The following ZNHIT1 variants were observed in gnomAD, a reference collection of about 807,000 sequenced individuals.
ZNHIT1 encodes the protein zinc finger HIT-type containing 1.
ZNHIT1 carries 20 observed loss-of-function variants against 21.4 expected under a neutral mutation model. That is an observed-to-expected ratio of 0.93 (90% confidence interval 0.66 to 1.36). ZNHIT1 has a LOEUF of 1.36. Ranked by LOEUF, ZNHIT1 falls within the 40% of genes most tolerant of loss-of-function variation. The pLI is 0.00. For synonymous variants in ZNHIT1, 79 were observed against 84.0 expected (o/e 0.94, Z 0.32); for missense variants, 170 against 213.5 (o/e 0.80, Z 1.27).
rs750193269 is a variant in ZNHIT1 at position 101,223,808 on chromosome 7, A to G, written c.409A>G (p.Thr137Ala). The change falls in exon 4 of 5, where the codon ACT (threonine) becomes GCT (alanine). Residue 137 changes from threonine (T) to alanine (A), a missense_variant. Coordinates refer to ENST00000305105, the MANE Select transcript of ZNHIT1 (RefSeq NM_006349.3). ...TGTCAGCTGCGGTGCCCGGTACTGC[A>G]CTGTGCGCTGTCTGGGGACCCACCA... ...TCVSCGARYC[T>A]VRCLGTHQET... is the part of the protein sequence containing the mutation. 2 of 1,614,004 alleles carry G rather than the reference A, an allele frequency of 1.2e-6. No homozygotes were observed. Among genetic ancestry groups the G allele is most frequent in the South Asian group, 2.2e-5 (2 of 91,070 alleles).
At chr7:101,222,301 G>A (rs971137950) in intron 1 of ZNHIT1, 7 of 371,052 alleles carry the variant, frequency 1.9e-5, no homozygotes, top group Non-Finnish European at 2.9e-5. Context: ...GCCCCAGGGC[G>A]CTGTGACCTC....
Position 101,224,074 on chromosome 7 carries a change from T to C in ZNHIT1, c.*116T>C. 6.7e-7 allele frequency: 1 copy of C among 1,496,568 alleles called. No homozygotes were observed. The highest frequency in any genetic ancestry group is 1.2e-5 in the South Asian group (1 of 86,770). 92.7% of individuals were successfully genotyped at this position (1,496,568 alleles called of 1,614,324 possible). A position where few individuals can be genotyped will look rare whatever the true frequency, so the allele number is the denominator to read the frequency against. On this transcript the variant is annotated 3_prime_UTR_variant, in exon 5 of 5. Transcript: ENST00000305105. ...CCTGGACCAAGGGAGGAGCCGCTCATTCACCCAACAAAACTGTGTCTTATC... is the reference window on the plus strand; with the variant it reads ...CCTGGACCAAGGGAGGAGCCGCTCACTCACCCAACAAAACTGTGTCTTATC...
At chr7:101,222,037 T>C (rs1313224276) in intron 1 of ZNHIT1, 1 of 152,488 alleles carries the variant, frequency 6.6e-6, no homozygotes, top group African/African-American at 2.4e-5. Flanking sequence ...AGCTCTTTGA[T>C]GGAAAGTGCC....
chr7:101,222,557 G>C, intron 1 of ZNHIT1, 47 bp from the exon 2 acceptor site: 1 of 1,577,498 alleles, frequency 6.3e-7, no homozygotes, highest in Non-Finnish European at 8.6e-7. Flanking sequence ...CGGCCACACT[G>C]CTCTTTCTTG....
intron 2 of ZNHIT1, 109 bp from the exon 3 acceptor site, chr7:101,223,368 C>A: frequency 8.4e-7 from 1 of 1,197,042 alleles, no homozygotes; most frequent in Middle Eastern, 2.1e-4. Context: ...CAGAGTGAGA[C>A]TGTCTCAAAA....
At position 101,223,582 on chromosome 7, in the gene ZNHIT1, A is replaced by T. The variant is rs1426111683; in HGVS notation, c.273+26A>T. ...GTGAGAGGAGGGTCGGCCTGGGAGG[A>T]CCCCACAGGGAAGGGGTGAGCCTGG... On this transcript the variant is annotated intron_variant, in intron 3 of 4. Coordinates refer to ENST00000305105, the MANE Select transcript of ZNHIT1 (RefSeq NM_006349.3). 5.0e-6 allele frequency: 8 copies of T among 1,613,800 alleles called. No individual in the cohort carries two copies. The Admixed American group carries it at 1.2e-4, about 24-fold the overall frequency.
At chr7:101,221,880 G>A (rs2116821975) in intron 1 of ZNHIT1, 2 of 152,376 alleles carry the variant, frequency 1.3e-5, no homozygotes, top group East Asian at 3.9e-4. Context: ...GGGGCCCAGA[G>A]CGTGGGTGGG....
chr7:101,223,362 G>C (rs1014949350), intron 2 of ZNHIT1, 115 bp from the exon 3 acceptor site: 7 of 1,140,998 alleles, frequency 6.1e-6, no homozygotes, highest in Non-Finnish European at 9.0e-6. Flanking sequence ...GGGTGACAGA[G>C]TGAGACTGTC....
chr7:101,220,570 T>TGTAAG (rs1311060926), intron 1 of ZNHIT1: 1 of 152,180 alleles, frequency 6.6e-6, no homozygotes, highest in Non-Finnish European at 1.5e-5. Context: ...AAGGGTTAAA[T>TGTAAG]GGTTCAAGTG....
chr7:101,224,142 G>A lies in ZNHIT1; in HGVS notation c.*184G>A. Reference sequence around the variant, plus strand: ...CTCACTCCTGGGAACTGTCTGGCAGGTAGGCTGGGCCCCCCAGTGCTGTTA... The same window carrying A: ...CTCACTCCTGGGAACTGTCTGGCAGATAGGCTGGGCCCCCCAGTGCTGTTA... On this transcript the variant is annotated 3_prime_UTR_variant, in exon 5 of 5. Transcript: ENST00000305105. The A allele has an allele frequency of 3.4e-6, 3 of 885,626 alleles. No individual in the cohort carries two copies. The highest frequency in any genetic ancestry group is 1.7e-5 in the South Asian group (1 of 59,872). The allele number at this position is 885,626 out of a possible 1,614,324, so 54.9% of individuals were successfully genotyped here. A position where few individuals can be genotyped will look rare whatever the true frequency, so the allele number is the denominator to read the frequency against.
At position 101,223,707 on chromosome 7, in the gene ZNHIT1, C is replaced by T. The variant is rs771704228; in HGVS notation, c.308C>T (p.Thr103Met). The change falls in exon 4 of 5, where the codon ACG (threonine) becomes ATG (methionine). Residue 103 changes from threonine to methionine, a missense_variant. Transcript: ENST00000305105. ...GTGGCCGAGGGCCCTAACTACCTGA[C>T]GGCCTGTGCGGGACCCCCATCGCGG... ...LSVAEGPNYL[T>M]ACAGPPSRPQ... 84 of 1,611,422 alleles carry T rather than the reference C, an allele frequency of 5.2e-5. No homozygotes were observed. The highest frequency in any genetic ancestry group is 2.2e-4 in the South Asian group (20 of 90,834).
chr7:101,224,069 G>C lies in ZNHIT1; in HGVS notation c.*111G>C. On this transcript the variant is annotated 3_prime_UTR_variant, in exon 5 of 5. Transcript: ENST00000305105. ...CTCTTCCTGGACCAAGGGAGGAGCC[G>C]CTCATTCACCCAACAAAACTGTGTC... The C allele has an allele frequency of 6.6e-7, 1 of 1,512,654 alleles. No homozygotes were observed. Among genetic ancestry groups the C allele is most frequent in the Non-Finnish European group, 9.1e-7 (1 of 1,099,902 alleles). 93.7% of individuals were successfully genotyped at this position (1,512,654 alleles called of 1,614,324 possible).
Position 101,223,733 on chromosome 7 carries a change from C to T in ZNHIT1, c.334C>T (p.Pro112Ser). The change falls in exon 4 of 5, where the codon CCC becomes TCC. Residue 112 changes from proline (P) to serine (S), a missense_variant. Coordinates refer to ENST00000305105, the MANE Select transcript of ZNHIT1 (RefSeq NM_006349.3). Reference protein sequence around the residue: ...LTACAGPPSRPQRPFCAVCGF... With the variant: ...LTACAGPPSRSQRPFCAVCGF... ...GGCCTGTGCGGGACCCCCATCGCGG[C>T]CCCAGCGCCCCTTCTGTGCTGTCTG... is the stretch of plus-strand genomic sequence containing the variant. 6.2e-7 allele frequency: 1 copy of T among 1,613,724 alleles called. No homozygotes were observed. The highest frequency in any genetic ancestry group is 8.5e-7 in the Non-Finnish European group (1 of 1,179,862).
In ZNHIT1 at chr7:101,218,226, G is replaced by A; in HGVS notation, c.22+9G>A. On this transcript the variant is annotated intron_variant, in intron 1 of 4. Coordinates refer to ENST00000305105, the MANE Select transcript of ZNHIT1 (RefSeq NM_006349.3). ...GGAGAAGAAAACTTCGGGTATGTGA[G>A]CCCCCGCGGTTCGCCCCCTTCCCCT... 1 of 1,612,350 alleles carries A rather than the reference G, an allele frequency of 6.2e-7. No individual in the cohort carries two copies. Among genetic ancestry groups the A allele is most frequent in the East Asian group, 2.2e-5 (1 of 44,846 alleles).
chr7:101,222,871 G>T (rs760982205), intron 2 of ZNHIT1, 97 bp downstream of exon 2: 52 of 1,472,832 alleles, frequency 3.5e-5, no homozygotes, highest in Non-Finnish European at 4.7e-5. Flanking sequence ...AGCTCCTGGT[G>T]CCTCTGCCAG....
Position 101,223,089 on chromosome 7 carries a change from A to G in ZNHIT1, c.193+315A>G, listed in dbSNP as rs1584261038. Reference sequence around the variant, plus strand: ...GGGGCCGACTTAGAGCCAGGAGGGCAGGGCCAGGTGTGGTGGCTCACGCCT... The same window carrying G: ...GGGGCCGACTTAGAGCCAGGAGGGCGGGGCCAGGTGTGGTGGCTCACGCCT... On this transcript the variant is annotated intron_variant, in intron 2 of 4. Transcript: ENST00000305105. 2.6e-5 allele frequency among the ~76,000 whole-genome samples: 4 copies of G among 152,298 alleles called. No individual in the cohort carries two copies. In the Middle Eastern group the frequency reaches 0.01, roughly 389 times the overall value.
chr7:101,219,204 A>G (rs1432632918), intron 1 of ZNHIT1: 1 of 151,760 alleles, frequency 6.6e-6, no homozygotes, highest in Non-Finnish European at 1.5e-5. Context: ...CCCATGCTCA[A>G]GTGATTCTTC....
chr7:101,223,408 G>A, intron 2 of ZNHIT1, 69 bp from the exon 3 acceptor site: 1 of 1,553,446 alleles, frequency 6.4e-7, no homozygotes, highest in Non-Finnish European at 8.9e-7. Context: ...GGCATGGGGA[G>A]TGATGAACCA....
At position 101,222,347 on chromosome 7, in the gene ZNHIT1, C is replaced by T. The variant is rs945535590; in HGVS notation, c.23-257C>T. On this transcript the variant is annotated intron_variant, in intron 1 of 4. Transcript: ENST00000305105. ...AGTGAGCTGTCTCCAGGCCGGGGCT[C>T]ACTGGCTGGGACTGGGATTGAGAGG... The T allele has an allele frequency of 2.1e-5, 10 of 472,796 alleles. No homozygotes were observed. In the Admixed American group the frequency reaches 2.6e-4, roughly 12 times the overall value. 29.3% of individuals were successfully genotyped at this position (472,796 alleles called of 1,614,324 possible).
Sources: gnomAD v4.1 joint callset for allele counts (sites outside exome capture counted in the v4.1 genomes callset) on GRCh38, gnomAD v4.1.1 for gene constraint, MANE v1.5 for transcripts, NCBI Gene and HGNC (gene_info 2026-07-23, HGNC 2026-07-21) for gene names.